Variants in USP11 observed in about 807,000 individuals in gnomAD.
USP11 encodes ubiquitin carboxyl-terminal hydrolase 11.
Under a neutral mutation model 72.8 loss-of-function variants are expected in USP11, and 5 were observed. That is an observed-to-expected ratio of 0.07 (90% CI 0.04 to 0.14). The LOEUF (loss-of-function observed/expected upper bound fraction) is 0.14. Ranked by LOEUF, USP11 falls within the 10% of genes least tolerant of loss-of-function variation. The probability of loss-of-function intolerance (pLI) is 1.00; values close to 1 mark genes in which losing one functional copy is unlikely to be tolerated. For synonymous variants in USP11, 368 were observed against 326.5 expected, an observed-to-expected ratio of 1.13 and a Z score of -1.37; for missense variants, 480 against 794.7, an observed-to-expected ratio of 0.60 and a Z score of 4.76.
intron 2 of USP11, 21 bp downstream of exon 2, chrX:47,239,200 T>C (rs1389133015): frequency 1.1e-5 from 13 of 1,191,876 alleles, no homozygotes; most frequent in Non-Finnish European, 1.4e-5. Flanking sequence ...TTTGCCTCCT[T>C]CTCACCCTAG....
In USP11 at chrX:47,241,667, G is replaced by C. The variant is rs1316643680; in HGVS notation, c.1147G>C (p.Glu383Gln). The change falls in exon 9 of 21, where the codon GAG becomes CAG. Residue 383 changes from glutamate (E) to glutamine (Q), a missense_variant. By Grantham distance (29) the Glu-to-Gln change is conservative. Transcript: ENST00000377107. ...TCGGGTGAAGAAGAAGGAGTATGTG[G>C]AGCTGTGCGATGCTGCTGGGCGACC... ...LNRVKKKEYVELCDAAGRPDQ... is the reference protein window; with the variant it reads ...LNRVKKKEYVQLCDAAGRPDQ... 1 of 1,205,274 alleles carries C rather than the reference G, an allele frequency of 8.3e-7. No individual in the cohort carries two copies.
chrX:47,246,073 T>G lies in USP11; in HGVS notation c.2270+591T>G, dbSNP rs1424535948. On this transcript the variant is annotated intron_variant, in intron 17 of 20. Transcript: ENST00000377107. ...GAGAGACCTCCTCTGACTACCCTGT[T>G]AAAAATCACCCTTCCCCACCATCCC... Among the ~76,000 whole-genome samples the G allele has an allele frequency of 3.6e-5, 4 of 111,681 alleles. No individual in the cohort carries two copies. In the Admixed American group the frequency reaches 3.8e-4, roughly 11 times the overall value.
At chrX:47,245,309 T>TCC in intron 16 of USP11, 61 bp from the exon 17 acceptor site, 1 of 1,066,057 alleles carries the variant, frequency 9.4e-7, no homozygotes, top group Non-Finnish European at 1.3e-6. Context: ...GGGCCCCCAC[T>TCC]CCCCATTTCT....
In USP11 at chrX:47,244,483, T is replaced by C; in HGVS notation, c.1791-15T>C. 5 of 1,210,991 alleles carry C rather than the reference T, an allele frequency of 4.1e-6. No homozygotes were observed. Among genetic ancestry groups the C allele is most frequent in the Non-Finnish European group, 5.6e-6 (5 of 895,185 alleles). ...CCTTGTACCCGTCTTGGGAGTCTCC[T>C]CTGCTCTGTTGCAGACGCTACGTGA... On this transcript the variant is annotated splice_polypyrimidine_tract_variant and intron_variant, in intron 13 of 20. Coordinates refer to ENST00000377107, the MANE Select transcript of USP11 (RefSeq NM_001371072.1).
In USP11 at chrX:47,247,733, C is replaced by T. The variant is rs1360934676; in HGVS notation, c.2625+34C>T. 5.0e-6 allele frequency: 6 copies of T among 1,207,455 alleles called. No homozygotes were observed. The African/African-American group carries it at 5.3e-5, about 11-fold the overall frequency. ...TCCATCCTACCTCCTCCCCTTCTTC[C>T]TTTCTGATTCCACCTCCCCACCCCC... On this transcript the variant is annotated intron_variant, in intron 20 of 20. Transcript: ENST00000377107.
intron 1 of USP11, among the ~76,000 whole-genome samples, chrX:47,237,002 A>C (rs1346300776): frequency 8.9e-6 from 1 of 111,838 alleles, no homozygotes; most frequent in South Asian, 3.7e-4. Flanking sequence ...ATTTTCTGTG[A>C]AAAATTATGT....
Position 47,240,387 on chromosome X carries a change from C to T in USP11, c.618C>T (p.Gly206=). ...DTRLWAKNSE[G]SLDRLYDTHI... is the part of the protein sequence containing the mutation. ...GGCTTTGGGCCAAGAACTCAGAAGG[C>T]TCTTTGGATAGGTTGTATGACACAC... The change falls in exon 5 of 21, where the codon GGC becomes GGT. Residue 206 remains glycine (G), a synonymous_variant. Transcript: ENST00000377107. 1 of 1,211,806 alleles carries T rather than the reference C, an allele frequency of 8.3e-7. No individual in the cohort carries two copies. Among genetic ancestry groups the T allele is most frequent in the Non-Finnish European group, 1.1e-6 (1 of 895,554 alleles).
intron 13 of USP11, 32 bp from the exon 14 acceptor site, chrX:47,244,466 C>T: frequency 8.3e-7 from 1 of 1,206,993 alleles, no homozygotes; most frequent in Non-Finnish European, 1.1e-6. Flanking sequence ...GTCCTTGTAC[C>T]CGTCTTGGGA....
chrX:47,233,070 TGCTGCTGCG>T lies in USP11; in HGVS notation c.30_38del (p.Ala12_Ala14del). On this transcript the variant is annotated inframe_deletion, in exon 1 of 21. Transcript: ENST00000377107. ...TGGCGACGGTCGCAGCAAATCCAGCTGCTGCTGCGGCGGCTGTGGCGGCGGCAGCGGCGG... is the reference window on the plus strand; with the variant it reads ...TGGCGACGGTCGCAGCAAATCCAGCTGCGGCTGTGGCGGCGGCAGCGGCGG... The T allele has an allele frequency of 1.7e-6, 2 of 1,208,811 alleles. No homozygotes were observed. Among genetic ancestry groups the T allele is most frequent in the Non-Finnish European group, 2.2e-6 (2 of 893,921 alleles).
In USP11 at chrX:47,242,104, A is replaced by G. The variant is rs2055406510; in HGVS notation, c.1202A>G (p.Gln401Arg). ...CAGGAGGTGGCACAGGAGGCATGGC[A>G]AAACCACAAACGGCGGAACGATTCT... ...PDQEVAQEAWQNHKRRNDSVI... is the reference protein window; with the variant it reads ...PDQEVAQEAWRNHKRRNDSVI... Residue 401 changes from glutamine (Q) to arginine (R), a missense_variant, in exon 10 of 21, where the codon CAA becomes CGA. By Grantham distance (43) the Gln-to-Arg change is conservative. Coordinates refer to ENST00000377107, the MANE Select transcript of USP11 (RefSeq NM_001371072.1). The G allele has an allele frequency of 1.7e-6, 2 of 1,209,165 alleles. No homozygotes were observed. Among genetic ancestry groups the G allele is most frequent in the Non-Finnish European group, 2.2e-6 (2 of 894,767 alleles).
intron 1 of USP11, 104 bp downstream of exon 1, chrX:47,233,323 G>T: frequency 9.3e-7 from 1 of 1,076,267 alleles, no homozygotes; most frequent in East Asian, 3.4e-5. Flanking sequence ...GCTGCGGGGT[G>T]CGGGGGCGGG....
In USP11 at chrX:47,243,462, C is replaced by T; in HGVS notation, c.1650C>T (p.Tyr550=). The T allele has an allele frequency of 1.7e-6, 2 of 1,211,207 alleles. No homozygotes were observed. The highest frequency in any genetic ancestry group is 2.2e-6 in the Non-Finnish European group (2 of 895,411). Residue 550 remains tyrosine, a synonymous_variant, in exon 13 of 21, where the codon TAC becomes TAT. Coordinates refer to ENST00000377107, the MANE Select transcript of USP11 (RefSeq NM_001371072.1). The part of the protein sequence containing the change: ...GSREDIVVPV[Y]LRERTPARDY... ...GAGAGGACATCGTGGTTCCTGTCTA[C>T]CTGCGGGAGCGCACCCCTGCCCGTG...
intron 13 of USP11, among the ~76,000 whole-genome samples, chrX:47,243,863 CTG>C (rs1249775712): frequency 8.9e-6 from 1 of 111,901 alleles, no homozygotes; most frequent in African/African-American, 3.3e-5. Context: ...CTCCTGGAGA[CTG>C]TTGTCCCTCC....
At position 47,239,825 on chromosome X, in the gene USP11, G is replaced by T. The variant is rs144214433; in HGVS notation, c.453G>T (p.Val151=). The T allele has an allele frequency of 8.3e-7, 1 of 1,210,091 alleles. No homozygotes were observed. Among genetic ancestry groups the T allele is most frequent in the African/African-American group, 1.7e-5 (1 of 57,143 alleles). The change falls in exon 4 of 21, where the codon GTG becomes GTT. Residue 151 remains valine, a synonymous_variant. Coordinates refer to ENST00000377107, the MANE Select transcript of USP11 (RefSeq NM_001371072.1). ...TGCCCAACATCCAGAAGGTCGAAGT[G>T]TACCCAGTAGAACTGCTGCTTGTCC... The part of the protein sequence containing the change: ...IELPNIQKVE[V]YPVELLLVRH...
intron 1 of USP11, among the ~76,000 whole-genome samples, chrX:47,236,558 C>T (rs1038687655): frequency 1.8e-5 from 2 of 112,158 alleles, no homozygotes; most frequent in African/African-American, 6.5e-5. Flanking sequence ...AATAATATAG[C>T]CTCCTTGGAA....
rs764124511 is a variant in USP11, at chrX:47,241,814, C to T, written c.1179+115C>T. On this transcript the variant is annotated intron_variant, in intron 9 of 20. Transcript: ENST00000377107. ...CACCATTTTCTGTTAAGTTTCTCTA[C>T]CTGACCTCAACTCCAGCCTTACTCT... 2.2e-6 allele frequency: 2 copies of T among 924,485 alleles called. 1 individual carries two copies. Among genetic ancestry groups the T allele is most frequent in the Admixed American group, 7.6e-5 (2 of 26,379 alleles). The allele number at this position is 924,485 out of a possible 1,213,427, so 76.2% of individuals were successfully genotyped here.
chrX:47,240,534 A>G (rs1334104920), intron 5 of USP11, 53 bp from the exon 6 acceptor site: 1 of 1,205,914 alleles, frequency 8.3e-7, no homozygotes, highest in African/African-American at 1.8e-5. Flanking sequence ...AAGGCTAGGT[A>G]CCCATAATGT....
chrX:47,235,894 A>T (rs1172761982), intron 1 of USP11, among the ~76,000 whole-genome samples: 2 of 111,850 alleles, frequency 1.8e-5, no homozygotes, highest in Non-Finnish European at 3.8e-5. Flanking sequence ...TTTGTAACTC[A>T]TTTGAAGATG....
In USP11 at chrX:47,247,461, G is replaced by C. The variant is rs369099098; in HGVS notation, c.2536+42G>C. The stretch of plus-strand genomic sequence containing the variant: ...GGGTGGGGCCTGCCCTGGGGGTTCT[G>C]GGCAGGGGGGCGATCAGGACCTTCC... On this transcript the variant is annotated intron_variant, in intron 19 of 20. Coordinates refer to ENST00000377107, the MANE Select transcript of USP11 (RefSeq NM_001371072.1). 65 of 1,187,447 alleles carry C rather than the reference G, an allele frequency of 5.5e-5. No individual in the cohort carries two copies. The African/African-American group carries it at 9.6e-4, about 17-fold the overall frequency.
Sources: allele counts gnomAD v4.1 joint callset (sites outside exome capture counted in the v4.1 genomes callset), GRCh38; gene constraint gnomAD v4.1.1; transcripts MANE v1.5; gene names NCBI Gene and HGNC (gene_info 2026-07-23, HGNC 2026-07-21).